GPHN: variants seen among roughly 807,000 people sequenced by gnomAD.
GPHN encodes gephyrin.
A neutral mutation model predicts 95.5 loss-of-function variants in GPHN; 17 were observed. The observed-to-expected ratio is 0.18, with a 90% CI of 0.12 to 0.27. The LOEUF (loss-of-function observed/expected upper bound fraction) is 0.27. Ranked by LOEUF, GPHN falls within the 10% of genes least tolerant of loss-of-function variation. The pLI is 1.00. For synonymous variants in GPHN, 320 were observed against 322.5 expected, an observed-to-expected ratio of 0.99 and a Z score of 0.08; for missense variants, 660 against 978.1, an observed-to-expected ratio of 0.67 and a Z score of 4.34.
the GPHN span, chr14:67,729,520 G>A: frequency 2.5e-6 from 2 of 801,440 alleles, no homozygotes; most frequent in Non-Finnish European, 4.2e-6. Context: ...ACAGAATGCC[G>A]TTGCTTTGTT....
the GPHN span, among the ~76,000 whole-genome samples, chr14:67,411,488 T>G: frequency 6.6e-6 from 1 of 152,164 alleles, no homozygotes; most frequent in African/African-American, 2.4e-5. Context: ...ATCCCGATCC[T>G]GGCTCCACCA....
the GPHN span, chr14:67,303,414 C>T: frequency 2.5e-6 from 2 of 793,800 alleles, no homozygotes; most frequent in African/African-American, 3.4e-5. Flanking sequence ...TCATTTAAGT[C>T]TGTGGAGGGG....
the GPHN span, chr14:67,334,726 A>T: frequency 2.0e-5 from 3 of 152,394 alleles, no homozygotes; most frequent in Admixed American, 2.0e-4. Flanking sequence ...GTCTCTTCAG[A>T]TCTGAAATAC....
At chr14:66,745,755 A>T (rs1206237636) in intron 2 of GPHN, among the ~76,000 whole-genome samples, 1 of 152,006 alleles carries the variant, frequency 6.6e-6, no homozygotes, top group East Asian at 1.9e-4. Flanking sequence ...ACTTATGTAT[A>T]ATGAGTGTTC....
the GPHN span, among the ~76,000 whole-genome samples, chr14:67,214,225 C>T: frequency 2.6e-5 from 4 of 152,278 alleles, no homozygotes; most frequent in South Asian, 2.1e-4. Flanking sequence ...GTGTTTTAGA[C>T]GTGAAGTCCT....
chr14:66,779,338 C>G (rs1366181422), intron 3 of GPHN, among the ~76,000 whole-genome samples: 7 of 152,042 alleles, frequency 4.6e-5, no homozygotes, highest in African/African-American at 1.7e-4. Context: ...ATTTGACATT[C>G]AATAATGACT....
chr14:67,587,137 C>A, the GPHN span: 2 of 1,613,826 alleles, frequency 1.2e-6, no homozygotes, highest in South Asian at 1.1e-5. Context: ...TGTGAACCCC[C>A]CCACCAACCC....
intron 1 of GPHN, among the ~76,000 whole-genome samples, chr14:66,646,182 C>T (rs969124765): frequency 6.6e-6 from 1 of 152,062 alleles, no homozygotes; most frequent in Non-Finnish European, 1.5e-5. Context: ...TACTCAATGG[C>T]CAACAAGTAT....
intron 1 of GPHN, among the ~76,000 whole-genome samples, chr14:66,623,989 T>C (rs974949486): frequency 1.3e-5 from 2 of 152,158 alleles, no homozygotes; most frequent in African/African-American, 4.8e-5. Context: ...ACACCAACCC[T>C]GGAGCGAGCA....
intron 4 of GPHN, among the ~76,000 whole-genome samples, chr14:66,876,761 C>A (rs1471638457): frequency 6.6e-6 from 1 of 152,022 alleles, no homozygotes; most frequent in Non-Finnish European, 1.5e-5. Flanking sequence ...TAATAGCATA[C>A]CAACCAAAAA....
At chr14:67,646,465 C>G in the GPHN span, 1 of 574,840 alleles carries the variant, frequency 1.7e-6, no homozygotes, top group Middle Eastern at 2.8e-4. Context: ...AGCTGCCCTT[C>G]TGAAACATTT....
chr14:67,733,868 T>A, the GPHN span: 4 of 1,559,176 alleles, frequency 2.6e-6, no homozygotes, highest in Non-Finnish European at 2.7e-6. Flanking sequence ...GAGCTGCAGC[T>A]TTATCAGGCC....
At chr14:67,485,111 C>T in the GPHN span, among the ~76,000 whole-genome samples, 2 of 152,198 alleles carry the variant, frequency 1.3e-5, no homozygotes, top group South Asian at 4.1e-4. Flanking sequence ...GGTACTATTT[C>T]CTAATAATAT....
At chr14:67,223,947 C>A in the GPHN span, 2 of 984,966 alleles carry the variant, frequency 2.0e-6, no homozygotes, top group East Asian at 2.3e-4. Context: ...AAAATGAGTC[C>A]GTAATTCTAA....
At chr14:66,572,888 C>T (rs1396729276) in intron 1 of GPHN, among the ~76,000 whole-genome samples, 1 of 152,144 alleles carries the variant, frequency 6.6e-6, no homozygotes, top group African/African-American at 2.4e-5. Flanking sequence ...ATGTTAGCTG[C>T]ACACTTTTCA....
the GPHN span, among the ~76,000 whole-genome samples, chr14:67,246,901 C>T: frequency 3.6e-3 from 554 of 152,244 alleles, 2 homozygotes; most frequent in Middle Eastern, 0.02. Flanking sequence ...CTGCCTGCCC[C>T]GGCTTCCCAA....
the GPHN span, among the ~76,000 whole-genome samples, chr14:67,252,494 C>T: frequency 6.6e-6 from 1 of 152,076 alleles, no homozygotes; most frequent in African/African-American, 2.4e-5. Context: ...TCATGGGAAC[C>T]CCTGATGAAT....
At chr14:66,900,042 A>G (rs1040312536) in intron 5 of GPHN, among the ~76,000 whole-genome samples, 3 of 151,982 alleles carry the variant, frequency 2.0e-5, no homozygotes, top group African/African-American at 7.2e-5. Context: ...ATTTATGTAT[A>G]TAGATTTGCT....
intron 4 of GPHN, among the ~76,000 whole-genome samples, chr14:66,875,057 C>T (rs866715742): frequency 6.6e-6 from 1 of 152,184 alleles, no homozygotes; most frequent in African/African-American, 2.4e-5. Context: ...TGGCAGATCT[C>T]TCGGCAGAAA....
Sources: allele counts gnomAD v4.1 joint callset (sites outside exome capture counted in the v4.1 genomes callset), GRCh38; gene constraint gnomAD v4.1.1; transcripts MANE v1.5; gene names NCBI Gene and HGNC (gene_info 2026-07-23, HGNC 2026-07-21).